Variants in GATA3 observed in about 807,000 individuals in gnomAD.
GATA3 encodes GATA binding protein 3, also known as trans-acting T-cell-specific transcription factor GATA-3.
A neutral mutation model predicts 36.0 loss-of-function variants in GATA3; 6 were observed. The ratio of observed to expected loss-of-function variants is 0.17; its 90% CI spans 0.09 to 0.33. The LOEUF (loss-of-function observed/expected upper bound fraction) is 0.33. Among genes scored for constraint, GATA3 ranks in the 10% least tolerant of loss-of-function variants. The probability of loss-of-function intolerance (pLI) is 1.00; values close to 1 mark genes in which losing one functional copy is unlikely to be tolerated. For synonymous variants in GATA3, 326 were observed against 273.0 expected (o/e 1.19, Z -1.92); for missense variants, 514 against 610.1 (o/e 0.84, Z 1.66).
intron 3 of GATA3, among the ~76,000 whole-genome samples, chr10:8,060,358 G>A (rs1832727021): frequency 6.6e-6 from 1 of 152,152 alleles, no homozygotes; most frequent in Admixed American, 6.5e-5. Flanking sequence ...AAAGCAAGAG[G>A]CCGGGAGAGC....
chr10:8,054,608 C>A (rs1192621144), upstream of GATA3: 2 of 152,178 alleles, frequency 1.3e-5, no homozygotes, highest in African/African-American at 2.4e-5. This position sits in a 1 kb window ranked among gnomAD's most constrained non-coding sequence, Gnocchi z 4.2. Flanking sequence ...CTGTCCCCTA[C>A]TCGCCAGCGC....
chr10:8,067,547 G>A (rs189977593), intron 4 of GATA3, among the ~76,000 whole-genome samples: 62 of 152,226 alleles, frequency 4.1e-4, no homozygotes, highest in South Asian at 1.5e-3. Context: ...GGCCGGGTGC[G>A]GTGGCTCACT....
At chr10:8,064,793 T>G (rs1466636092) in intron 4 of GATA3, among the ~76,000 whole-genome samples, 1 of 152,268 alleles carries the variant, frequency 6.6e-6, no homozygotes, top group Non-Finnish European at 1.5e-5. Context: ...AGTCCTCTCA[T>G]ACCTGGCATT....
chr10:8,053,965 A>G (rs1832566475), upstream of GATA3, among the ~76,000 whole-genome samples: 1 of 152,058 alleles, frequency 6.6e-6, no homozygotes, highest in Non-Finnish European at 1.5e-5. The surrounding 1 kb of genome is among the most constrained non-coding windows in gnomAD (Gnocchi z 5.1). Flanking sequence ...TACAAATATT[A>G]GGTCTGGAAA....
intron 1 of GATA3, among the ~76,000 whole-genome samples, chr10:8,046,407 A>G (rs1359039351): frequency 6.6e-6 from 1 of 151,952 alleles, no homozygotes; most frequent in Non-Finnish European, 1.5e-5. Context: ...TCGTTCCCAT[A>G]TTTCCTGGTC....
Position 8,069,098 on chromosome 10 carries a change from C to T in GATA3, c.925-375C>T, listed in dbSNP as rs141940682. On this transcript the variant is annotated intron_variant, in intron 4 of 5. Transcript: ENST00000379328. Reference sequence around the variant, plus strand: ...TTGGTGAAAAAGGCAACTGAAAGCCCAGTTCCAAAATGAGGCTGGCTAATT... The same window carrying T: ...TTGGTGAAAAAGGCAACTGAAAGCCTAGTTCCAAAATGAGGCTGGCTAATT... Among the ~76,000 whole-genome samples the T allele has an allele frequency of 3.9e-5, 6 of 152,272 alleles. No homozygotes were observed. The East Asian group carries it at 1.2e-3, about 29-fold the overall frequency.
At chr10:8,065,685 TC>T (rs1257512421) in intron 4 of GATA3, among the ~76,000 whole-genome samples, 1 of 133,534 alleles carries the variant, frequency 7.5e-6, no homozygotes, top group Non-Finnish European at 1.6e-5. Context: ...CCCCCACCTC[TC>T]CTCCAGCAGT....
chr10:8,069,738 A>G, intron 5 of GATA3, 140 bp downstream of exon 5: 1 of 1,091,122 alleles, frequency 9.2e-7, no homozygotes, highest in South Asian at 1.3e-5. Flanking sequence ...AATAGGACCT[A>G]GCTTGGAAAA....
chr10:8,069,538 G>A lies in GATA3; in HGVS notation c.990G>A (p.Arg330=), dbSNP rs374947324. ...NCQTTTTTLW[R]RNANGDPVCN... is the part of the protein sequence containing the mutation. ...AGACCACCACAACCACACTCTGGAG[G>A]AGGAATGCCAATGGGGACCCTGTCT... The change falls in exon 5 of 6, where the codon AGG becomes AGA. Residue 330 remains arginine, a synonymous_variant. Transcript: ENST00000379328. 373 of 1,614,000 alleles carry A rather than the reference G, an allele frequency of 2.3e-4. No individual in the cohort carries two copies. Among genetic ancestry groups the A allele is most frequent in the Non-Finnish European group, 3.0e-4 (351 of 1,180,010 alleles).
chr10:8,049,823 G>A (rs1832440472), upstream of GATA3, among the ~76,000 whole-genome samples: 2 of 152,256 alleles, frequency 1.3e-5, no homozygotes, highest in South Asian at 2.1e-4. Flanking sequence ...TCCCACCATA[G>A]GGAAGGAAAT....
chr10:8,075,116 T>C lies in GATA3; in HGVS notation c.*1093T>C. The C allele has an allele frequency of 4.3e-6, 1 of 232,972 alleles. No individual in the cohort carries two copies. The highest frequency in any genetic ancestry group is 6.0e-5 in the East Asian group (1 of 16,560). 14.4% of individuals were successfully genotyped at this position (232,972 alleles called of 1,614,324 possible). On this transcript the variant is annotated 3_prime_UTR_variant, in exon 6 of 6. Coordinates refer to ENST00000379328, the MANE Select transcript of GATA3 (RefSeq NM_001002295.2). ...GCTGCCTCTTCGCCCTGTCGTGTTC[T>C]GTGTTAGTGATCACTGCCTTTAATA...
chr10:8,071,499 A>G (rs932081920), intron 5 of GATA3, among the ~76,000 whole-genome samples: 2 of 152,314 alleles, frequency 1.3e-5, no homozygotes, highest in East Asian at 1.9e-4. Context: ...ACATATATAT[A>G]TATTTCTGAA....
chr10:8,057,054 G>A (rs1248793123), intron 2 of GATA3, among the ~76,000 whole-genome samples: 1 of 152,152 alleles, frequency 6.6e-6, no homozygotes, highest in East Asian at 1.9e-4. Context: ...TGCGGATGGG[G>A]CGCTCTTTGC....
At chr10:8,047,293 A>T (rs1832403461) in intron 1 of GATA3, among the ~76,000 whole-genome samples, 2 of 152,190 alleles carry the variant, frequency 1.3e-5, no homozygotes, top group African/African-American at 4.8e-5. Context: ...CTGGAACCAT[A>T]GGAGGTGGCA....
intron 5 of GATA3, 59 bp from the exon 6 acceptor site, chr10:8,073,680 G>T (rs536598724): frequency 6.6e-7 from 1 of 1,517,532 alleles, no homozygotes; most frequent in East Asian, 2.4e-5. Flanking sequence ...GCGAGAGCCT[G>T]TGCATTTCAG....
chr10:8,060,820 C>G (rs186360296), intron 3 of GATA3, among the ~76,000 whole-genome samples: 1 of 152,114 alleles, frequency 6.6e-6, no homozygotes, highest in Non-Finnish European at 1.5e-5. Flanking sequence ...CTAGGAATAC[C>G]GATACACCGA....
Position 8,063,983 on chromosome 10 carries a change from T to C in GATA3, c.779-10T>C. ...TTCCCTAAGTGGCTTATCTGTGCTT[T>C]TGTTTCCAGAAGGCAGGGAGTGTGT... On this transcript the variant is annotated splice_polypyrimidine_tract_variant and intron_variant, in intron 3 of 5. Transcript: ENST00000379328. 6.2e-7 allele frequency: 1 copy of C among 1,614,204 alleles called. No individual in the cohort carries two copies. Among genetic ancestry groups the C allele is most frequent in the Non-Finnish European group, 8.5e-7 (1 of 1,180,034 alleles).
intron 3 of GATA3, among the ~76,000 whole-genome samples, chr10:8,063,589 T>A (rs1177228516): frequency 3.9e-5 from 6 of 152,218 alleles, no homozygotes; most frequent in Non-Finnish European, 8.8e-5. Context: ...TGTCTTCCTT[T>A]TTTTCCTTTG....
intron 4 of GATA3, among the ~76,000 whole-genome samples, chr10:8,065,515 C>A (rs555563507): frequency 4.4e-4 from 67 of 152,024 alleles, no homozygotes; most frequent in African/African-American, 1.5e-3. Context: ...CCTCGGCCTC[C>A]CAGAGTGCTG....
Sources: allele counts gnomAD v4.1 joint callset (sites outside exome capture counted in the v4.1 genomes callset), GRCh38; gene constraint gnomAD v4.1.1; non-coding constraint Gnocchi (gnomAD v3.1); transcripts MANE v1.5; gene names NCBI Gene and HGNC (gene_info 2026-07-23, HGNC 2026-07-21).